Variants in XAGE5 observed in about 807,000 individuals in gnomAD.
XAGE5 encodes the protein X antigen family member 5.
Under a neutral mutation model 13.1 loss-of-function variants are expected in XAGE5, and 13 were observed. The observed-to-expected ratio is 0.99, with a 90% confidence interval of 0.64 to 1.57. XAGE5 has a LOEUF of 1.57. Ranked by LOEUF, XAGE5 falls within the 40% of genes most tolerant of loss-of-function variation. XAGE5 has a pLI of 0.00. For missense variants in XAGE5, 86 were observed against 77.6 expected (o/e 1.11, Z -0.41); for synonymous variants, 17 against 25.0 (o/e 0.68, Z 0.96).
In XAGE5 at chrX:52,818,209, T is replaced by C. The variant is rs1926946240; in HGVS notation, c.323T>C (p.Leu108Pro). The change falls in exon 6 of 6, where the codon CTT (leucine) becomes CCT (proline). Residue 108 changes from leucine (L) to proline (P), a missense_variant. Transcript: ENST00000375501. ...ATTGCAGGGGAAGGGAAACCACAGCTTTAAACGAAGACAACCAAAAGAATG... is the reference window on the plus strand; with the variant it reads ...ATTGCAGGGGAAGGGAAACCACAGCCTTAAACGAAGACAACCAAAAGAATG... ...MPEGGEGKPQ[L>P] The C allele has an allele frequency of 1.7e-6, 2 of 1,210,353 alleles. No homozygotes were observed. Among genetic ancestry groups the C allele is most frequent in the African/African-American group, 3.5e-5 (2 of 57,401 alleles).
chrX:52,814,416 A>G, intron 4 of XAGE5: 1 of 200,702 alleles, frequency 5.0e-6, no homozygotes, highest in Non-Finnish European at 9.6e-6. Context: ...AGAAAACTCC[A>G]AGTAGAATAA....
chrX:52,813,385 C>T, intron 4 of XAGE5, 140 bp downstream of exon 4: 1 of 580,982 alleles, frequency 1.7e-6, no homozygotes, highest in South Asian at 3.0e-5. Flanking sequence ...TTGCAAGAGG[C>T]TGGAAATGTG....
At position 52,813,126 on chromosome X, in the gene XAGE5, C is replaced by T. The variant is rs371263514; in HGVS notation, c.73-14C>T. The T allele has an allele frequency of 4.8e-5, 58 of 1,206,547 alleles. No homozygotes were observed. Among genetic ancestry groups the T allele is most frequent in the South Asian group, 1.4e-4 (8 of 56,784 alleles). On this transcript the variant is annotated splice_polypyrimidine_tract_variant and intron_variant, in intron 3 of 5. Coordinates refer to ENST00000375501, the MANE Select transcript of XAGE5 (RefSeq NM_001386970.1). ...CTCCACACACACACACCACCACCCC[C>T]GCCCTTGTCCCAGGAGCCCAGTGTG...
Position 52,811,580 on chromosome X carries a change from A to G in XAGE5, c.-148A>G, listed in dbSNP as rs2146526440. Among the ~76,000 whole-genome samples, 1 of 110,654 alleles carries G rather than the reference A, an allele frequency of 9.0e-6. No individual in the cohort carries two copies. The highest frequency in any genetic ancestry group is 3.3e-5 in the African/African-American group (1 of 30,425). Reference sequence around the variant, plus strand: ...GACGAAGGAAGAAGGAGGGCTTCGGAGTGCGACGGGGGTTAGGTGAAGCTG... The same window carrying G: ...GACGAAGGAAGAAGGAGGGCTTCGGGGTGCGACGGGGGTTAGGTGAAGCTG... On this transcript the variant is annotated 5_prime_UTR_variant, in exon 2 of 6. Transcript: ENST00000375501.
intron 4 of XAGE5, among the ~76,000 whole-genome samples, chrX:52,814,660 A>G (rs1926869457): frequency 1.8e-5 from 2 of 111,911 alleles, no homozygotes; most frequent in South Asian, 7.5e-4. Context: ...ATGTATGGAA[A>G]GTCACATATA....
At chrX:52,814,005 A>C (rs1349363160) in intron 4 of XAGE5, among the ~76,000 whole-genome samples, 1 of 111,649 alleles carries the variant, frequency 9.0e-6, no homozygotes, top group Non-Finnish European at 1.9e-5. Context: ...TCCATCTCAA[A>C]AAATGAAAAT....
intron 2 of XAGE5, among the ~76,000 whole-genome samples, 88 bp downstream of exon 2, chrX:52,811,807 C>T (rs956356085): frequency 9.0e-6 from 1 of 110,635 alleles, no homozygotes; most frequent in Non-Finnish European, 1.9e-5. Context: ...GGTGCCCGCC[C>T]GGTGAGGACT....
chrX:52,814,043 G>C (rs1382046834), intron 4 of XAGE5: 1 of 201,487 alleles, frequency 5.0e-6, no homozygotes, highest in Non-Finnish European at 9.5e-6. Flanking sequence ...GAGGCTCAGA[G>C]ATAGAGGCTT....
chrX:52,815,072 A>G lies in XAGE5; in HGVS notation c.179-20A>G. The G allele has an allele frequency of 1.7e-6, 2 of 1,210,632 alleles. No homozygotes were observed. Among genetic ancestry groups the G allele is most frequent in the Admixed American group, 2.2e-5 (1 of 45,958 alleles). ...CATTCTGGTTTGGCTGCTCCAGTCC[A>G]TATCCTTGGTATTTTTCAGTGCCTA... On this transcript the variant is annotated intron_variant, in intron 4 of 5. Coordinates refer to ENST00000375501, the MANE Select transcript of XAGE5 (RefSeq NM_001386970.1).
At chrX:52,815,926 A>G (rs1461066298) in intron 5 of XAGE5, among the ~76,000 whole-genome samples, 1 of 111,526 alleles carries the variant, frequency 9.0e-6, no homozygotes, top group African/African-American at 3.3e-5. Context: ...CTCTTAAACA[A>G]CTATTGTTTT....
intron 2 of XAGE5, 137 bp from the exon 3 acceptor site, chrX:52,812,422 G>T: frequency 2.2e-6 from 1 of 453,816 alleles, no homozygotes; most frequent in Non-Finnish European, 3.7e-6. Context: ...ACAGGTGCTC[G>T]CTACCACACC....
At chrX:52,811,868 G>T (rs1048570820) in intron 2 of XAGE5, among the ~76,000 whole-genome samples, 149 bp downstream of exon 2, 1 of 111,169 alleles carries the variant, frequency 9.0e-6, no homozygotes, top group Non-Finnish European at 1.9e-5. Context: ...GTTCGAATGG[G>T]TGGAAGGGGC....
intron 4 of XAGE5, chrX:52,814,433 C>T (rs1556777810): frequency 1.6e-5 from 3 of 190,262 alleles, no homozygotes; most frequent in African/African-American, 8.9e-5. Context: ...ATAAGATTAT[C>T]GTGAAACAGA....
chrX:52,811,514 C>T (rs1442145478), intron 1 of XAGE5, among the ~76,000 whole-genome samples, 34 bp from the exon 2 acceptor site: 1 of 111,217 alleles, frequency 9.0e-6, no homozygotes, highest in African/African-American at 3.3e-5. Flanking sequence ...CCTTCTCGTG[C>T]GGCCCCGCAG....
chrX:52,817,801 AT>A (rs781869317), intron 5 of XAGE5, among the ~76,000 whole-genome samples: 2 of 110,178 alleles, frequency 1.8e-5, no homozygotes, highest in East Asian at 5.7e-4. Context: ...TTCTGGAGGA[AT>A]TTTTTTTTCA....
intron 3 of XAGE5, among the ~76,000 whole-genome samples, chrX:52,812,883 A>G (rs782444626): frequency 3.6e-5 from 4 of 111,493 alleles, no homozygotes; most frequent in East Asian, 2.8e-4. Context: ...CATTACACCC[A>G]TTCAACCCAA....
intron 5 of XAGE5, 133 bp downstream of exon 5, chrX:52,815,350 A>G (rs1381847499): frequency 6.4e-6 from 5 of 781,895 alleles, no homozygotes; most frequent in Admixed American, 4.1e-5. Context: ...TTGGAAGGTA[A>G]TTCAGACCCC....
intron 3 of XAGE5, 22 bp from the exon 4 acceptor site, chrX:52,813,118 A>G: frequency 8.3e-7 from 1 of 1,199,551 alleles, no homozygotes; most frequent in Non-Finnish European, 1.1e-6. Flanking sequence ...CACACACACC[A>G]CCACCCCCGC....
At position 52,811,311 on chromosome X, in the gene XAGE5, G is replaced by C. The variant is rs1926788847; in HGVS notation, c.-282G>C. On this transcript the variant is annotated 5_prime_UTR_variant, in exon 1 of 6. Coordinates refer to ENST00000375501, the MANE Select transcript of XAGE5 (RefSeq NM_001386970.1). ...TGCCATTGGCCCTTCGCCCACCCGG[G>C]AGCTGTGATCCTGCACTTCGGGTCC... Among the ~76,000 whole-genome samples the C allele has an allele frequency of 9.0e-6, 1 of 111,551 alleles. No homozygotes were observed. Among genetic ancestry groups the C allele is most frequent in the Non-Finnish European group, 1.9e-5 (1 of 53,052 alleles).
Sources: allele counts gnomAD v4.1 joint callset (sites outside exome capture counted in the v4.1 genomes callset), GRCh38; gene constraint gnomAD v4.1.1; transcripts MANE v1.5; gene names NCBI Gene and HGNC (gene_info 2026-07-23, HGNC 2026-07-21).